The following ST6GALNAC3 variants were observed in gnomAD, a reference collection of about 807,000 sequenced individuals.
ST6GALNAC3 encodes the protein ST6 N-acetylgalactosaminide alpha-2,6-sialyltransferase 3.
A neutral mutation model predicts 32.7 loss-of-function variants in ST6GALNAC3; 25 were observed. That is an observed-to-expected ratio of 0.76 (90% CI 0.56 to 1.07). The LOEUF (loss-of-function observed/expected upper bound fraction) is 1.07. Among genes scored for constraint, ST6GALNAC3 ranks in the 50% least tolerant of loss-of-function variants. The pLI, the probability that ST6GALNAC3 is intolerant of heterozygous loss-of-function variation, is 0.00. For synonymous variants in ST6GALNAC3, 129 were observed against 133.1 expected (o/e 0.97, Z 0.21); for missense variants, 355 against 382.4 (o/e 0.93, Z 0.60).
intron 3 of ST6GALNAC3, among the ~76,000 whole-genome samples, chr1:76,600,875 A>G (rs1324943678): frequency 1.3e-5 from 2 of 152,198 alleles, no homozygotes; most frequent in African/African-American, 4.8e-5. Flanking sequence ...TGAGGCCAAG[A>G]TGCCACCTAA....
chr1:76,495,554 A>C (rs1660800720), intron 3 of ST6GALNAC3, among the ~76,000 whole-genome samples: 1 of 152,092 alleles, frequency 6.6e-6, no homozygotes, highest in South Asian at 2.1e-4. Flanking sequence ...TCTCCTAGGT[A>C]ACTTACCTCC....
intron 3 of ST6GALNAC3, among the ~76,000 whole-genome samples, chr1:76,560,960 T>C (rs1016825260): frequency 2.0e-5 from 3 of 152,144 alleles, no homozygotes; most frequent in African/African-American, 4.8e-5. Flanking sequence ...TGTCCATCAA[T>C]AGATGAATGG....
At chr1:76,369,060 T>C (rs896555538) in intron 2 of ST6GALNAC3, among the ~76,000 whole-genome samples, 2 of 152,196 alleles carry the variant, frequency 1.3e-5, no homozygotes, top group Non-Finnish European at 2.9e-5. Flanking sequence ...CTTACCTTTT[T>C]GATATATCTT....
intron 1 of ST6GALNAC3, among the ~76,000 whole-genome samples, chr1:76,117,427 G>A (rs1246058772): frequency 6.6e-6 from 1 of 152,212 alleles, no homozygotes; most frequent in Non-Finnish European, 1.5e-5. Context: ...ACTTGTAGCA[G>A]TTCTCTCTGA....
At chr1:76,442,776 A>G (rs1305845053) in intron 3 of ST6GALNAC3, among the ~76,000 whole-genome samples, 3 of 152,150 alleles carry the variant, frequency 2.0e-5, no homozygotes, top group African/African-American at 7.2e-5. Context: ...GTTTTCATAA[A>G]CAGAATGTTA....
At chr1:76,394,546 C>G (rs1333876663) in intron 2 of ST6GALNAC3, among the ~76,000 whole-genome samples, 1 of 152,000 alleles carries the variant, frequency 6.6e-6, no homozygotes, top group Non-Finnish European at 1.5e-5. Context: ...AATTTCTTAT[C>G]CTCTCTAATA....
At chr1:76,205,946 T>C (rs908021860) in intron 1 of ST6GALNAC3, among the ~76,000 whole-genome samples, 1 of 152,274 alleles carries the variant, frequency 6.6e-6, no homozygotes, top group African/African-American at 2.4e-5. Context: ...AGCACTGTTA[T>C]ATCCTCCCAA....
chr1:76,278,293 C>T (rs1409227544), intron 1 of ST6GALNAC3, among the ~76,000 whole-genome samples: 1 of 133,428 alleles, frequency 7.5e-6, no homozygotes, highest in East Asian at 2.5e-4. Context: ...GCGATCTCGG[C>T]TCACTGCAAG....
At chr1:76,363,036 G>A (rs1011974096) in intron 2 of ST6GALNAC3, among the ~76,000 whole-genome samples, 1 of 152,222 alleles carries the variant, frequency 6.6e-6, no homozygotes, top group African/African-American at 2.4e-5. Context: ...GGTTCTCCAT[G>A]AGGGATCTGC....
intron 1 of ST6GALNAC3, among the ~76,000 whole-genome samples, chr1:76,255,937 C>A (rs923393614): frequency 1.3e-5 from 2 of 150,988 alleles, no homozygotes; most frequent in African/African-American, 2.4e-5. Context: ...AGCTTCTATG[C>A]GGGAAAAGGA....
chr1:76,154,604 C>T (rs1334056216), intron 1 of ST6GALNAC3, among the ~76,000 whole-genome samples: 2 of 152,196 alleles, frequency 1.3e-5, no homozygotes, highest in Admixed American at 1.3e-4. Context: ...TAATGCTGTA[C>T]ATCCAGGCTG....
chr1:76,422,265 A>T (rs951672399), intron 3 of ST6GALNAC3, among the ~76,000 whole-genome samples: 1 of 152,010 alleles, frequency 6.6e-6, no homozygotes. Flanking sequence ...AAAAGTTATC[A>T]TGGGGGTCTT....
rs752683538 is a variant in ST6GALNAC3, at chr1:76,633,593, TGAC to T, written c.*4788_*4790del. 1 of 152,130 alleles carries T rather than the reference TGAC, an allele frequency of 6.6e-6. No homozygotes were observed. The highest frequency in any genetic ancestry group is 6.5e-5 in the Admixed American group (1 of 15,280). 9.4% of individuals were successfully genotyped at this position (152,130 alleles called of 1,614,324 possible). On this transcript the variant is annotated 3_prime_UTR_variant, in exon 5 of 5. Transcript: ENST00000328299. ...TGGTGAAACTGGCAGGCCCTGTTGT[TGAC>T]ATTTCCCCAGAGCTAAAATGTCCTC...
intron 3 of ST6GALNAC3, among the ~76,000 whole-genome samples, chr1:76,459,516 A>T (rs1291675689): frequency 1.3e-5 from 2 of 151,478 alleles, no homozygotes; most frequent in African/African-American, 4.9e-5. Flanking sequence ...GTGAGTGGAG[A>T]TTGCTCCACT....
intron 3 of ST6GALNAC3, among the ~76,000 whole-genome samples, chr1:76,490,341 T>C (rs796804545): frequency 1.3e-5 from 2 of 151,968 alleles, no homozygotes; most frequent in Non-Finnish European, 2.9e-5. Flanking sequence ...TAAAAAAAAA[T>C]CTGCATTTAG....
intron 3 of ST6GALNAC3, among the ~76,000 whole-genome samples, chr1:76,607,759 A>G (rs1007781553): frequency 1.3e-5 from 2 of 152,132 alleles, no homozygotes; most frequent in Non-Finnish European, 2.9e-5. Context: ...ACAGGATTTC[A>G]GGCCACACAC....
At chr1:76,478,001 A>G (rs924299751) in intron 3 of ST6GALNAC3, among the ~76,000 whole-genome samples, 5 of 152,178 alleles carry the variant, frequency 3.3e-5, no homozygotes, top group African/African-American at 1.2e-4. Flanking sequence ...ATCCATGTCA[A>G]GGTCCTCTTT....
intron 1 of ST6GALNAC3, among the ~76,000 whole-genome samples, chr1:76,111,843 T>C (rs1009857734): frequency 2.0e-5 from 3 of 151,970 alleles, no homozygotes; most frequent in South Asian, 4.1e-4. Flanking sequence ...TACCTCTTTC[T>C]ACACAGACAC....
chr1:76,593,864 G>A (rs957337502), intron 3 of ST6GALNAC3, among the ~76,000 whole-genome samples: 16 of 152,060 alleles, frequency 1.1e-4, no homozygotes, highest in African/African-American at 3.6e-4. Context: ...CTGATGTGGC[G>A]ATCATAGGAA....
Sources: allele counts gnomAD v4.1 joint callset (sites outside exome capture counted in the v4.1 genomes callset), GRCh38; gene constraint gnomAD v4.1.1; transcripts MANE v1.5; gene names NCBI Gene and HGNC (gene_info 2026-07-23, HGNC 2026-07-21).